WT1: variants seen among roughly 807,000 people sequenced by gnomAD.
WT1 encodes WT1 transcription factor, also known as Wilms tumor protein.
Under a neutral mutation model 60.8 loss-of-function variants are expected in WT1, and 8 were observed. The ratio of observed to expected loss-of-function variants is 0.13; its 90% CI spans 0.08 to 0.24. The LOEUF (loss-of-function observed/expected upper bound fraction) is 0.24. Ranked by LOEUF, WT1 falls within the 10% of genes least tolerant of loss-of-function variation. The pLI, the probability that WT1 is intolerant of heterozygous loss-of-function variation, is 1.00. For synonymous variants in WT1, 312 were observed against 297.1 expected (o/e 1.05, Z -0.52); for missense variants, 568 against 711.8 (o/e 0.80, Z 2.30).
chr11:32,418,611 G>A (rs1222022631), intron 3 of WT1, among the ~76,000 whole-genome samples: 2 of 152,214 alleles, frequency 1.3e-5, no homozygotes, highest in African/African-American at 4.8e-5. Flanking sequence ...TATCCGATGT[G>A]TGGTATCAGA....
chr11:32,430,441 AG>A (rs1853245693), intron 1 of WT1: 1 of 1,351,134 alleles, frequency 7.4e-7, no homozygotes, highest in East Asian at 2.7e-5. Context: ...ACAGAGAGAG[AG>A]AGAGAGAGGG....
chr11:32,402,795 C>T (rs1852195607), intron 5 of WT1, among the ~76,000 whole-genome samples: 1 of 152,220 alleles, frequency 6.6e-6, no homozygotes, highest in African/African-American at 2.4e-5. Flanking sequence ...AAGTGATTCT[C>T]CCACCTTGGC....
At chr11:32,430,460 GA>G (rs1564997626) in intron 1 of WT1, 67 of 630,884 alleles carry the variant, frequency 1.1e-4, no homozygotes, top group African/African-American at 8.0e-4. Flanking sequence ...GGGAGGGAGA[GA>G]GAGAGAGAGA....
intron 5 of WT1, among the ~76,000 whole-genome samples, chr11:32,414,543 G>A (rs1445864316): frequency 2.0e-5 from 3 of 152,156 alleles, no homozygotes; most frequent in Non-Finnish European, 2.9e-5. Context: ...CCAAAGTGCT[G>A]GGATTATAGG....
chr11:32,422,316 A>G (rs1003881440), intron 3 of WT1, among the ~76,000 whole-genome samples: 1 of 152,284 alleles, frequency 6.6e-6, no homozygotes, highest in African/African-American at 2.4e-5. Flanking sequence ...CAAAAGTTAC[A>G]GGAATATTTG....
At chr11:32,389,861 C>G (rs1455535609) in intron 9 of WT1, among the ~76,000 whole-genome samples, 1 of 152,078 alleles carries the variant, frequency 6.6e-6, no homozygotes, top group Non-Finnish European at 1.5e-5. Context: ...ACCCAAAGAG[C>G]CCTCAGACAT....
At chr11:32,421,741 G>A (rs150083701) in intron 3 of WT1, among the ~76,000 whole-genome samples, 2 of 152,214 alleles carry the variant, frequency 1.3e-5, no homozygotes, top group East Asian at 3.8e-4. Flanking sequence ...AGCCTCAGCT[G>A]TTATCTAGAT....
intron 9 of WT1, among the ~76,000 whole-genome samples, chr11:32,390,123 C>A (rs1033059437): frequency 3.9e-5 from 6 of 152,202 alleles, no homozygotes; most frequent in Non-Finnish European, 8.8e-5. Flanking sequence ...CTGTATCACA[C>A]CTCCCAGGCC....
chr11:32,422,017 C>T (rs1348462003), intron 3 of WT1, among the ~76,000 whole-genome samples: 3 of 152,188 alleles, frequency 2.0e-5, no homozygotes, highest in Non-Finnish European at 4.4e-5. Context: ...ATGTTTCCAG[C>T]TTTTTCGGTA....
chr11:32,395,210 T>C (rs144598817), intron 7 of WT1, among the ~76,000 whole-genome samples: 42 of 152,278 alleles, frequency 2.8e-4, no homozygotes, highest in Non-Finnish European at 4.6e-4. Context: ...GCAACAGTGA[T>C]CCTATAATAA....
intron 3 of WT1, among the ~76,000 whole-genome samples, chr11:32,418,159 A>G (rs748063092): frequency 6.6e-6 from 1 of 151,698 alleles, no homozygotes; most frequent in Non-Finnish European, 1.5e-5. Context: ...AGGATGTGAC[A>G]AGCAGAAGAA....
At chr11:32,416,684 T>A in intron 4 of WT1, 144 bp from the exon 5 acceptor site, 4 of 1,044,454 alleles carry the variant, frequency 3.8e-6, no homozygotes, top group Non-Finnish European at 5.9e-6. Context: ...AAGTCCCCAG[T>A]CCCACTGGGG....
At chr11:32,406,838 C>T (rs2132988586) in intron 5 of WT1, among the ~76,000 whole-genome samples, 1 of 152,230 alleles carries the variant, frequency 6.6e-6, no homozygotes, top group East Asian at 1.9e-4. Flanking sequence ...GTGGCTCATG[C>T]TGGTAATCCC....
chr11:32,389,205 A>AGACAGGCG, intron 9 of WT1, 26 bp from the exon 10 acceptor site: 1 of 1,613,840 alleles, frequency 6.2e-7, no homozygotes, highest in African/African-American at 1.3e-5. Flanking sequence ...CCAGTCAGAG[A>AGACAGGCG]CACTTGCAAC....
intron 3 of WT1, among the ~76,000 whole-genome samples, chr11:32,427,215 G>A (rs926597425): frequency 1.3e-5 from 2 of 152,256 alleles, no homozygotes; most frequent in African/African-American, 2.4e-5. Flanking sequence ...CCCTATCGCA[G>A]ACGCGGGCGG....
intron 5 of WT1, among the ~76,000 whole-genome samples, chr11:32,411,249 C>T (rs980143982): frequency 6.6e-6 from 1 of 152,108 alleles, no homozygotes; most frequent in Non-Finnish European, 1.5e-5. Flanking sequence ...AGCATTTTTC[C>T]TCACCTCCAC....
chr11:32,418,004 T>C (rs1852732961), intron 3 of WT1, among the ~76,000 whole-genome samples: 1 of 152,050 alleles, frequency 6.6e-6, no homozygotes, highest in African/African-American at 2.4e-5. Flanking sequence ...ACATTAAAGT[T>C]AAAAGCCTGG....
Position 32,396,363 on chromosome 11 carries a change from C to T in WT1, c.1158G>A (p.Ser386=), listed in dbSNP as rs377446096. The T allele has an allele frequency of 1.6e-5, 26 of 1,613,972 alleles. No homozygotes were observed. In the African/African-American group the frequency reaches 2.3e-4, roughly 14 times the overall value. ...GGCGTTTCTCACTGGTCTCAGATGCCGACCGTACAAGAGTCGGGGCTACTC... is the reference window on the plus strand; with the variant it reads ...GGCGTTTCTCACTGGTCTCAGATGCTGACCGTACAAGAGTCGGGGCTACTC... Residue 386 remains serine (S), a synonymous_variant, in exon 7 of 10, where the codon TCG becomes TCA. Coordinates refer to ENST00000452863, the MANE Select transcript of WT1 (RefSeq NM_024426.6).
At chr11:32,402,844 C>G (rs1050102729) in intron 5 of WT1, among the ~76,000 whole-genome samples, 7 of 152,232 alleles carry the variant, frequency 4.6e-5, no homozygotes, top group Admixed American at 3.3e-4. Flanking sequence ...AGCCACTGCC[C>G]CTGGCCTACT....
Sources: allele counts gnomAD v4.1 joint callset (sites outside exome capture counted in the v4.1 genomes callset), GRCh38; gene constraint gnomAD v4.1.1; transcripts MANE v1.5; gene names NCBI Gene and HGNC (gene_info 2026-07-23, HGNC 2026-07-21).